Variants in ZBBX observed in about 807,000 individuals in gnomAD.
ZBBX encodes zinc finger B-box domain containing, also known as zinc finger B-box domain-containing protein 1.
Under a neutral mutation model 108.5 loss-of-function variants are expected in ZBBX, and 101 were observed. That is an observed-to-expected ratio of 0.93 (90% CI 0.79 to 1.10). The LOEUF is 1.10. Ranked by LOEUF, ZBBX falls within the 50% of genes least tolerant of loss-of-function variation. ZBBX has a pLI of 0.00. For missense variants in ZBBX, 1,009 were observed against 941.4 expected (o/e 1.07, Z -0.94); for synonymous variants, 356 against 323.4 (o/e 1.10, Z -1.08).
At chr3:167,190,515 G>A in the ZBBX span, among the ~76,000 whole-genome samples, 1 of 151,674 alleles carries the variant, frequency 6.6e-6, no homozygotes, top group African/African-American at 2.4e-5. Context: ...CGACTAGCTG[G>A]GACTACAGGT....
chr3:167,273,901 T>G (rs1350645077), intron 20 of ZBBX, among the ~76,000 whole-genome samples: 1 of 152,218 alleles, frequency 6.6e-6, no homozygotes, highest in African/African-American at 2.4e-5. Flanking sequence ...AATCATTATT[T>G]CCATGGGTAA....
the ZBBX span, among the ~76,000 whole-genome samples, chr3:167,218,266 T>A: frequency 6.6e-6 from 1 of 152,152 alleles, no homozygotes; most frequent in African/African-American, 2.4e-5. Context: ...AATAATAATT[T>A]AAAAAATCAT....
chr3:167,215,304 C>A, the ZBBX span, among the ~76,000 whole-genome samples: 1 of 152,022 alleles, frequency 6.6e-6, no homozygotes, highest in Non-Finnish European at 1.5e-5. Context: ...TGTGTTGCTA[C>A]TGACCCCATA....
the ZBBX span, among the ~76,000 whole-genome samples, chr3:167,181,735 T>C: frequency 2.6e-5 from 4 of 152,206 alleles, no homozygotes; most frequent in African/African-American, 7.2e-5. Context: ...GAAGTAGATA[T>C]AACAACTTGA....
chr3:167,180,485 T>C, the ZBBX span, among the ~76,000 whole-genome samples: 17 of 152,236 alleles, frequency 1.1e-4, no homozygotes, highest in Non-Finnish European at 1.9e-4. Context: ...TCAGGAGCTA[T>C]AATTAAACCA....
At chr3:167,294,955 T>C (rs934225178) in intron 18 of ZBBX, among the ~76,000 whole-genome samples, 3 of 152,150 alleles carry the variant, frequency 2.0e-5, no homozygotes, top group Non-Finnish European at 4.4e-5. Context: ...TCATCATCAC[T>C]GGTCATTAGA....
At chr3:167,407,726 C>G (rs549394017) in exon 1 of ZBBX, among the ~76,000 whole-genome samples, 1 of 151,908 alleles carries the variant, frequency 6.6e-6, no homozygotes, top group Middle Eastern at 3.4e-3. Flanking sequence ...TTGTCTTTAC[C>G]TTGAGTAGGC....
At chr3:167,242,703 T>C in intron 20 of ZBBX, 60 bp from the exon 21 acceptor site, 1 of 1,469,642 alleles carries the variant, frequency 6.8e-7, no homozygotes, top group South Asian at 1.3e-5. Flanking sequence ...ATATACAGCA[T>C]ATGGTGCTGA....
At chr3:167,378,545 T>G (rs1016840223) in intron 2 of ZBBX, among the ~76,000 whole-genome samples, 5 of 152,104 alleles carry the variant, frequency 3.3e-5, no homozygotes, top group Non-Finnish European at 7.4e-5. Flanking sequence ...CCCCTCTAAT[T>G]TGCAGGATAT....
At chr3:167,236,044 T>G (rs925333289), downstream of ZBBX, among the ~76,000 whole-genome samples, 4 of 151,716 alleles carry the variant, frequency 2.6e-5, no homozygotes, top group Non-Finnish European at 5.9e-5. Flanking sequence ...GAGGCATAAA[T>G]AGTATATACG....
intron 9 of ZBBX, among the ~76,000 whole-genome samples, chr3:167,348,352 G>C (rs909032426): frequency 1.9e-5 from 2 of 103,784 alleles, no homozygotes; most frequent in African/African-American, 7.8e-5. Flanking sequence ...AAGAAAGAAA[G>C]AAAGAAAGAA....
At chr3:167,298,791 C>T (rs971746748) in intron 17 of ZBBX, among the ~76,000 whole-genome samples, 7 of 152,062 alleles carry the variant, frequency 4.6e-5, no homozygotes, top group East Asian at 1.9e-4. Context: ...TACTTTCACA[C>T]GCAGTGGCTT....
At chr3:167,304,621 A>G (rs1262714310) in intron 17 of ZBBX, among the ~76,000 whole-genome samples, 4 of 152,198 alleles carry the variant, frequency 2.6e-5, no homozygotes, top group Non-Finnish European at 4.4e-5. Flanking sequence ...AGCAAGAAAT[A>G]CATATGCAAA....
At position 167,282,393 on chromosome 3, in the gene ZBBX, G is replaced by A; in HGVS notation, c.2099C>T (p.Ala700Val). The stretch of plus-strand genomic sequence containing the variant: ...AGCTCTAGATGATGATTGAGCAGCT[G>A]CACTTCTTGATCGAGGATGAGAGGA... ...LSSSHPRSRS[A>V]AAQSSSRAAS... Residue 700 changes from alanine (A) to valine (V), a missense_variant, in exon 20 of 22, where the codon GCA (alanine) becomes GTA (valine). Ala to Val is a moderately conservative substitution (Grantham distance 64, BLOSUM62 0). Transcript: ENST00000675490. 6.2e-7 allele frequency: 1 copy of A among 1,614,084 alleles called. No individual in the cohort carries two copies. Among genetic ancestry groups the A allele is most frequent in the South Asian group, 1.1e-5 (1 of 91,076 alleles).
chr3:167,313,346 G>T (rs1734910875), intron 16 of ZBBX, among the ~76,000 whole-genome samples: 1 of 152,124 alleles, frequency 6.6e-6, no homozygotes, highest in South Asian at 2.1e-4. Context: ...TGTGATCTCG[G>T]CTTACCGCAA....
downstream of ZBBX, among the ~76,000 whole-genome samples, chr3:167,236,401 A>G (rs993962188): frequency 6.6e-6 from 1 of 151,780 alleles, no homozygotes. Flanking sequence ...ATAAGCTCAT[A>G]AAAAGTGATG....
chr3:167,276,965 C>CA (rs1216182967), intron 20 of ZBBX, among the ~76,000 whole-genome samples: 1 of 152,056 alleles, frequency 6.6e-6, no homozygotes, highest in African/African-American at 2.4e-5. Flanking sequence ...AAAGAATTTT[C>CA]AACCCAGAAT....
chr3:167,367,058 T>C, intron 5 of ZBBX: 1 of 358,728 alleles, frequency 2.8e-6, no homozygotes, highest in South Asian at 2.2e-5. Flanking sequence ...ATGAACACAT[T>C]TGAATTGTCA....
intron 4 of ZBBX, among the ~76,000 whole-genome samples, chr3:167,372,603 T>C (rs1218520011): frequency 2.0e-5 from 3 of 152,210 alleles, no homozygotes; most frequent in Admixed American, 6.5e-5. Context: ...ATTACTTTAA[T>C]AGGTAATGAA....
Sources: allele counts gnomAD v4.1 joint callset (sites outside exome capture counted in the v4.1 genomes callset), GRCh38; gene constraint gnomAD v4.1.1; transcripts MANE v1.5; gene names NCBI Gene and HGNC (gene_info 2026-07-23, HGNC 2026-07-21).